Variants in DENND4C observed in about 807,000 individuals in gnomAD.
DENND4C encodes DENN domain containing 4C.
A neutral mutation model predicts 203.0 loss-of-function variants in DENND4C; 108 were observed. The ratio of observed to expected loss-of-function variants is 0.53; its 90% CI spans 0.46 to 0.62. The LOEUF is 0.62. Among genes scored for constraint, DENND4C ranks in the 20% least tolerant of loss-of-function variants. The probability of loss-of-function intolerance (pLI) is 0.00; values close to 1 mark genes in which losing one functional copy is unlikely to be tolerated. For synonymous variants in DENND4C, 871 were observed against 792.4 expected (o/e 1.10, Z -1.67); for missense variants, 2,481 against 2,301.2 (o/e 1.08, Z -1.60).
At chr9:19,261,463 T>TTTA (rs1246682870) in intron 1 of DENND4C, among the ~76,000 whole-genome samples, 1 of 151,694 alleles carries the variant, frequency 6.6e-6, no homozygotes, top group Non-Finnish European at 1.5e-5. Context: ...TTTTTTTTTT[T>TTTA]TAAACAACTT....
chr9:19,307,017 C>T (rs944750330), intron 10 of DENND4C, among the ~76,000 whole-genome samples: 2 of 152,168 alleles, frequency 1.3e-5, no homozygotes, highest in Non-Finnish European at 2.9e-5. Flanking sequence ...CTGCTGACCT[C>T]AGGTGATCCA....
chr9:19,269,262 A>G (rs1831138326), intron 1 of DENND4C, among the ~76,000 whole-genome samples: 1 of 152,092 alleles, frequency 6.6e-6, no homozygotes, highest in South Asian at 2.1e-4. Flanking sequence ...TCCGGGTTCA[A>G]GCAATTCCCC....
At chr9:19,326,341 C>A in intron 15 of DENND4C, 147 bp downstream of exon 15, 1 of 781,588 alleles carries the variant, frequency 1.3e-6, no homozygotes, top group Non-Finnish European at 1.8e-6. Flanking sequence ...TATGGAAATG[C>A]CACTAGGTGT....
In DENND4C at chr9:19,369,921, A is replaced by G. The variant is rs1196823607; in HGVS notation, c.5609A>G (p.His1870Arg). Residue 1870 changes from histidine (H) to arginine (R), a missense_variant, in exon 31 of 33, where the codon CAC (histidine) becomes CGC (arginine). By Grantham distance (29) the His-to-Arg change is conservative (BLOSUM62 0). Transcript: ENST00000434457. Reference sequence around the variant, plus strand: ...GAAACCATCAGGCAGAGTATTCAGCACAATAATGTTCTTAAACCCATCAAC... The same window carrying G: ...GAAACCATCAGGCAGAGTATTCAGCGCAATAATGTTCTTAAACCCATCAAC... ...LVETIRQSIQ[H>R]NNVLKPINLL... 3 of 1,614,106 alleles carry G rather than the reference A, an allele frequency of 1.9e-6. No individual in the cohort carries two copies. The highest frequency in any genetic ancestry group is 3.3e-5 in the Admixed American group (2 of 60,026).
At chr9:19,283,854 C>T (rs1049223926) in intron 2 of DENND4C, among the ~76,000 whole-genome samples, 2 of 151,992 alleles carry the variant, frequency 1.3e-5, no homozygotes, top group African/African-American at 4.8e-5. Context: ...TTCTGTCTCC[C>T]AAAGTGCTGG....
rs1563827342 is a variant in DENND4C at position 19,346,593 on chromosome 9, C to T, written c.3824C>T (p.Pro1275Leu). Residue 1275 changes from proline (P) to leucine (L), a missense_variant, in exon 23 of 33, where the codon CCA becomes CTA. By Grantham distance (98) the Pro-to-Leu change is moderately conservative. This residue lies in a region of DENND4C where 2,289 missense variants were observed against 2,113.3 expected (regional missense o/e 1.08). Coordinates refer to ENST00000434457, the MANE Select transcript of DENND4C (RefSeq NM_001330640.2). ...TPDSEDKLFSPVIARNLADEI... is the reference protein window; with the variant it reads ...TPDSEDKLFSLVIARNLADEI... ...GATTCTGAAGATAAGTTGTTTTCTC[C>T]AGTTATTGCACGTAATCTGGCTGAT... 6.2e-7 allele frequency: 1 copy of T among 1,614,110 alleles called. No individual in the cohort carries two copies. The highest frequency in any genetic ancestry group is 8.5e-7 in the Non-Finnish European group (1 of 1,180,032).
intron 9 of DENND4C, among the ~76,000 whole-genome samples, chr9:19,303,383 G>C (rs182215286): frequency 2.0e-5 from 3 of 152,088 alleles, no homozygotes; most frequent in African/African-American, 7.2e-5. Context: ...CCTGCCACTT[G>C]TTTCTATAAA....
chr9:19,354,061 T>C (rs2132108991), intron 26 of DENND4C, among the ~76,000 whole-genome samples: 1 of 152,320 alleles, frequency 6.6e-6, no homozygotes, highest in South Asian at 2.1e-4. Context: ...TCCCCTATTC[T>C]ACGAAGACAC....
rs376305311 is a variant in DENND4C, at chr9:19,352,053, C to A, written c.4496-20C>A. 1.0e-5 allele frequency: 16 copies of A among 1,578,286 alleles called. No individual in the cohort carries two copies. Among genetic ancestry groups the A allele is most frequent in the Middle Eastern group, 1.7e-4 (1 of 6,010 alleles). The stretch of plus-strand genomic sequence containing the variant: ...AGGACATTCCTTACTTAAGGTATTA[C>A]GATGTATATTCCTTTGTAGGTGAAG... On this transcript the variant is annotated intron_variant, in intron 24 of 32. Transcript: ENST00000434457.
At chr9:19,330,143 C>T (rs2131755686) in intron 16 of DENND4C, among the ~76,000 whole-genome samples, 1 of 151,906 alleles carries the variant, frequency 6.6e-6, no homozygotes, top group East Asian at 1.9e-4. Context: ...TAACAAAAGG[C>T]AAATTTCTAA....
chr9:19,275,248 G>A (rs1314664565), intron 1 of DENND4C, among the ~76,000 whole-genome samples: 1 of 149,300 alleles, frequency 6.7e-6, no homozygotes, highest in Non-Finnish European at 1.5e-5. Flanking sequence ...AAAGTGCAGG[G>A]ATTACAGGTG....
chr9:19,344,795 G>A (rs1588959538), intron 22 of DENND4C, among the ~76,000 whole-genome samples: 1 of 151,952 alleles, frequency 6.6e-6, no homozygotes, highest in African/African-American at 2.4e-5. Flanking sequence ...GAGCCACCAT[G>A]CCCGGCATAA....
chr9:19,276,532 G>C (rs1338982893), intron 2 of DENND4C, 53 bp downstream of exon 2: 2 of 1,066,332 alleles, frequency 1.9e-6, no homozygotes, highest in East Asian at 6.5e-5. Context: ...TTATTTAAGG[G>C]CCATGGAAGT....
intron 1 of DENND4C, among the ~76,000 whole-genome samples, chr9:19,237,667 T>C (rs1037718916): frequency 6.6e-6 from 1 of 152,230 alleles, no homozygotes; most frequent in Non-Finnish European, 1.5e-5. Flanking sequence ...GGATTTTCTT[T>C]ATACACAATC....
At chr9:19,330,769 G>A (rs559146208) in intron 16 of DENND4C, among the ~76,000 whole-genome samples, 6 of 152,174 alleles carry the variant, frequency 3.9e-5, no homozygotes, top group Non-Finnish European at 7.4e-5. Context: ...TCAGCAGATG[G>A]CTGGGCACGG....
intron 1 of DENND4C, among the ~76,000 whole-genome samples, chr9:19,238,377 C>T (rs1425141757): frequency 6.6e-6 from 1 of 151,282 alleles, no homozygotes; most frequent in Non-Finnish European, 1.5e-5. Context: ...CCACTGCGCC[C>T]AGCCTCTTCC....
chr9:19,277,917 T>TCTCTTAGTGTCA (rs1833211681), intron 2 of DENND4C, among the ~76,000 whole-genome samples: 1 of 152,120 alleles, frequency 6.6e-6, no homozygotes, highest in African/African-American at 2.4e-5. Flanking sequence ...GATCATGTAT[T>TCTCTTAGTGTCA]TTTTCTTCCT....
intron 1 of DENND4C, among the ~76,000 whole-genome samples, chr9:19,257,014 G>A (rs1488993193): frequency 6.6e-6 from 1 of 151,140 alleles, no homozygotes; most frequent in Non-Finnish European, 1.5e-5. Context: ...AGGTTGCAGT[G>A]AGCCGAGATC....
chr9:19,282,715 C>CTTTTTTTTTTTTTT (rs1554717864), intron 2 of DENND4C, among the ~76,000 whole-genome samples: 7 of 86,662 alleles, frequency 8.1e-5, no homozygotes, highest in African/African-American at 2.2e-4. Flanking sequence ...TTTCTTCTCT[C>CTTTTTTTTTTTTTT]TTTTTTTTTT....
Sources: allele counts gnomAD v4.1 joint callset (sites outside exome capture counted in the v4.1 genomes callset), GRCh38; gene constraint gnomAD v4.1.1; regional missense constraint gnomAD v4.1.1; transcripts MANE v1.5; gene names NCBI Gene and HGNC (gene_info 2026-07-23, HGNC 2026-07-21).